Variants in NR3C2 observed in about 807,000 individuals in gnomAD.
The protein encoded by NR3C2 is nuclear receptor subfamily 3 group C member 2.
In NR3C2, 15 loss-of-function variants were observed where a neutral mutation model predicts 86.4. The ratio of observed to expected loss-of-function variants is 0.17; its 90% confidence interval spans 0.12 to 0.27. The LOEUF (loss-of-function observed/expected upper bound fraction) is 0.27, where lower values mean the gene tolerates loss of function less well. Among genes scored for constraint, NR3C2 ranks in the 10% least tolerant of loss-of-function variants. The pLI, the probability that NR3C2 is intolerant of heterozygous loss-of-function variation, is 1.00. For missense variants in NR3C2, 960 were observed against 1,195.6 expected (o/e 0.80, Z 2.91); for synonymous variants, 458 against 450.5 (o/e 1.02, Z -0.21).
chr4:148,332,692 C>T (rs1744288299), intron 2 of NR3C2, among the ~76,000 whole-genome samples: 1 of 152,110 alleles, frequency 6.6e-6, no homozygotes, highest in Non-Finnish European at 1.5e-5. Flanking sequence ...TAGAGCCTTG[C>T]CTCCCACACC....
chr4:148,165,274 C>A (rs1196387758), intron 4 of NR3C2, among the ~76,000 whole-genome samples: 2 of 152,124 alleles, frequency 1.3e-5, no homozygotes, highest in African/African-American at 2.4e-5. Context: ...CTTGATTATA[C>A]CCAGTGACTT....
At chr4:148,407,911 A>C (rs951256687) in intron 2 of NR3C2, among the ~76,000 whole-genome samples, 6 of 152,184 alleles carry the variant, frequency 3.9e-5, no homozygotes, top group Non-Finnish European at 8.8e-5. Flanking sequence ...AAGTTAACGT[A>C]AAGAAAGTCC....
intron 3 of NR3C2, among the ~76,000 whole-genome samples, chr4:148,238,963 G>A (rs1738879640): frequency 6.6e-6 from 1 of 152,182 alleles, no homozygotes; most frequent in African/African-American, 2.4e-5. Context: ...ATCAAACACA[G>A]GGAACTCTGA....
chr4:148,144,498 C>A (rs1031442223), intron 6 of NR3C2, among the ~76,000 whole-genome samples: 1 of 152,026 alleles, frequency 6.6e-6, no homozygotes, highest in Admixed American at 6.6e-5. Flanking sequence ...TGGCTAAAAG[C>A]GACTTTCTAC....
intron 6 of NR3C2, among the ~76,000 whole-genome samples, chr4:148,141,562 C>T (rs924937341): frequency 1.3e-5 from 2 of 152,086 alleles, no homozygotes; most frequent in South Asian, 2.1e-4. Context: ...TATATAGACA[C>T]AGTAAGTACC....
At chr4:148,311,792 A>G (rs1000917847) in intron 2 of NR3C2, among the ~76,000 whole-genome samples, 2 of 152,226 alleles carry the variant, frequency 1.3e-5, no homozygotes, top group Non-Finnish European at 2.9e-5. Flanking sequence ...AGTCTGCACC[A>G]GCCATGCTGG....
chr4:148,361,240 C>T (rs1343229942), intron 2 of NR3C2, among the ~76,000 whole-genome samples: 2 of 152,144 alleles, frequency 1.3e-5, no homozygotes, highest in Non-Finnish European at 2.9e-5. Flanking sequence ...ATTGACAGCC[C>T]ACATCAGTTA....
intron 3 of NR3C2, among the ~76,000 whole-genome samples, chr4:148,196,226 A>G (rs1254213973): frequency 1.3e-5 from 2 of 152,178 alleles, no homozygotes; most frequent in African/African-American, 4.8e-5. Flanking sequence ...GGGCTAAACA[A>G]GTAGAAAAAG....
At chr4:148,293,106 G>A (rs1579115164) in intron 2 of NR3C2, among the ~76,000 whole-genome samples, 1 of 152,126 alleles carries the variant, frequency 6.6e-6, no homozygotes, top group South Asian at 2.1e-4. Context: ...TGCATGGCAA[G>A]CATTTGTCTC....
chr4:148,168,321 T>C (rs1182755173), intron 4 of NR3C2, among the ~76,000 whole-genome samples: 1 of 152,212 alleles, frequency 6.6e-6, no homozygotes, highest in Non-Finnish European at 1.5e-5. Flanking sequence ...TTCAAGGTTT[T>C]AGTACCCAAA....
intron 8 of NR3C2, among the ~76,000 whole-genome samples, chr4:148,083,858 A>G (rs1240595448): frequency 6.6e-6 from 1 of 152,186 alleles, no homozygotes; most frequent in Non-Finnish European, 1.5e-5. Flanking sequence ...AACACAGCAC[A>G]AGAACTTCGT....
intron 8 of NR3C2, among the ~76,000 whole-genome samples, chr4:148,083,299 A>G (rs1417312537): frequency 6.6e-6 from 1 of 152,162 alleles, no homozygotes; most frequent in Non-Finnish European, 1.5e-5. Context: ...CTCATACAGG[A>G]GAGCTTCACC....
intron 2 of NR3C2, among the ~76,000 whole-genome samples, chr4:148,285,201 T>C (rs765580997): frequency 1.4e-4 from 22 of 152,228 alleles, no homozygotes; most frequent in Non-Finnish European, 2.2e-4. Context: ...GAAAGTTATT[T>C]ACCCCTTGTT....
chr4:148,174,369 A>G (rs1462693173), intron 4 of NR3C2, among the ~76,000 whole-genome samples: 2 of 152,208 alleles, frequency 1.3e-5, no homozygotes, highest in East Asian at 3.8e-4. Context: ...CTCAGGTATT[A>G]TCTAAAAAAG....
At chr4:148,155,990 C>T (rs989559357) in intron 4 of NR3C2, among the ~76,000 whole-genome samples, 4 of 152,040 alleles carry the variant, frequency 2.6e-5, no homozygotes, top group East Asian at 3.9e-4. Flanking sequence ...TTGACAAACC[C>T]GAGGAAAACA....
chr4:148,158,147 G>T (rs1734488684), intron 4 of NR3C2, among the ~76,000 whole-genome samples: 2 of 152,190 alleles, frequency 1.3e-5, no homozygotes, highest in Admixed American at 6.5e-5. Flanking sequence ...TGCTGACCAA[G>T]AACTGCCCAG....
chr4:148,171,718 G>C (rs1332059275), intron 4 of NR3C2, among the ~76,000 whole-genome samples: 1 of 152,168 alleles, frequency 6.6e-6, no homozygotes, highest in Admixed American at 6.5e-5. Flanking sequence ...TGCCTTATAG[G>C]TCCTGCCTGA....
chr4:148,433,678 A>C (rs913113267), intron 2 of NR3C2, among the ~76,000 whole-genome samples: 2 of 152,316 alleles, frequency 1.3e-5, no homozygotes, highest in African/African-American at 2.4e-5. Context: ...TTGGGATTTC[A>C]ACCAGTTATG....
chr4:148,133,968 TC>T (rs1733157347), intron 6 of NR3C2, among the ~76,000 whole-genome samples: 2 of 152,180 alleles, frequency 1.3e-5, no homozygotes, highest in Non-Finnish European at 2.9e-5. Context: ...CAGCTAAAGC[TC>T]CAGAGACTCT....
Sources: allele counts gnomAD v4.1 joint callset (sites outside exome capture counted in the v4.1 genomes callset), GRCh38; gene constraint gnomAD v4.1.1; transcripts MANE v1.5; gene names NCBI Gene and HGNC (gene_info 2026-07-23, HGNC 2026-07-21).